Variants in HEATR1 observed in about 807,000 individuals in gnomAD.
The protein encoded by HEATR1 is HEAT repeat-containing protein 1.
A neutral mutation model predicts 248.2 loss-of-function variants in HEATR1; 77 were observed. The observed-to-expected ratio is 0.31, with a 90% CI of 0.26 to 0.37. HEATR1 has a LOEUF of 0.37. Among genes scored for constraint, HEATR1 ranks in the 10% least tolerant of loss-of-function variants. The probability of loss-of-function intolerance (pLI) is 1.00; values close to 1 mark genes in which losing one functional copy is unlikely to be tolerated. For missense variants in HEATR1, 2,420 were observed against 2,504.9 expected (o/e 0.97, Z 0.72); for synonymous variants, 897 against 923.1 (o/e 0.97, Z 0.51).
Position 236,585,233 on chromosome 1 carries a change from A to T in HEATR1, c.2050-17T>A. The T allele has an allele frequency of 1.3e-6, 2 of 1,593,326 alleles. No individual in the cohort carries two copies. Reference sequence around the variant, plus strand: ...ATCCTCCACCTTGAAAAATAAACACACTCTATTACCAGTTGCTCTTGATTT... The same window carrying T: ...ATCCTCCACCTTGAAAAATAAACACTCTCTATTACCAGTTGCTCTTGATTT... On this transcript the variant is annotated splice_polypyrimidine_tract_variant and intron_variant, in intron 16 of 44. Transcript: ENST00000366582.
chr1:236,596,074 G>C (rs775939632), intron 6 of HEATR1, 30 bp from the exon 7 acceptor site: 14 of 1,461,670 alleles, frequency 9.6e-6, no homozygotes, highest in Middle Eastern at 2.0e-4. Context: ...AAGGAAAAAT[G>C]ATAAACCATA....
rs74145996 is a variant in HEATR1 at position 236,586,171 on chromosome 1, T to C, written c.1927+70A>G. On this transcript the variant is annotated intron_variant, in intron 15 of 44. Coordinates refer to ENST00000366582, the MANE Select transcript of HEATR1 (RefSeq NM_018072.6). ...GCATATAAGCATGACCAACAATAAATTTTAAATTTTCCTTGTTTTCTTTTG... is the reference window on the plus strand; with the variant it reads ...GCATATAAGCATGACCAACAATAAACTTTAAATTTTCCTTGTTTTCTTTTG... 2.6e-4 allele frequency: 360 copies of C among 1,370,424 alleles called. 1 individual carries two copies. In the African/African-American group the frequency reaches 4.9e-3, roughly 19 times the overall value. The allele number at this position is 1,370,424 out of a possible 1,614,324, so 84.9% of individuals were successfully genotyped here.
chr1:236,567,466 T>A (rs1663303897), intron 29 of HEATR1, among the ~76,000 whole-genome samples: 1 of 152,188 alleles, frequency 6.6e-6, no homozygotes, highest in Non-Finnish European at 1.5e-5. Flanking sequence ...ATCCCAACAC[T>A]TTGGGAGGCC....
rs747790372 is a variant in HEATR1, at chr1:236,555,428, C to T, written c.5791G>A (p.Asp1931Asn). 6 of 1,614,212 alleles carry T rather than the reference C, an allele frequency of 3.7e-6. No individual in the cohort carries two copies. Among genetic ancestry groups the T allele is most frequent in the Non-Finnish European group, 5.1e-6 (6 of 1,180,046 alleles). The part of the protein sequence containing the change: ...DWAKTEDAPK[D>N]RLLTFYNLAD... ...AAGTTGTAAAATGTCAACAACCTGT[C>T]CTTTGGGGCATCTTCTGTTTTAGCC... is the stretch of plus-strand genomic sequence containing the variant. Residue 1931 changes from aspartate (D) to asparagine (N), a missense_variant, in exon 41 of 45, where the codon GAC (aspartate) becomes AAC (asparagine). Coordinates refer to ENST00000366582, the MANE Select transcript of HEATR1 (RefSeq NM_018072.6).
chr1:236,603,417 T>C (rs1472736216), intron 2 of HEATR1, 41 bp from the exon 3 acceptor site: 2 of 1,534,368 alleles, frequency 1.3e-6, no homozygotes, highest in African/African-American at 2.7e-5. Flanking sequence ...CAATTCTTCG[T>C]AAGCAAATTC....
At chr1:236,592,171 A>G in intron 10 of HEATR1, 61 bp from the exon 11 acceptor site, 1 of 829,582 alleles carries the variant, frequency 1.2e-6, no homozygotes, top group African/African-American at 1.7e-5. Flanking sequence ...CTCATACACC[A>G]TACACATATA....
rs1662616082 is a variant in HEATR1 at position 236,549,527 on chromosome 1, T to G, written c.*1375A>C. The G allele has an allele frequency of 6.6e-6, 1 of 151,802 alleles. No homozygotes were observed. The highest frequency in any genetic ancestry group is 2.4e-5 in the African/African-American group (1 of 41,424). The allele number at this position is 151,802 out of a possible 1,614,324, so 9.4% of individuals were successfully genotyped here. ...TTGAAAAGAATACCATTGTCAATCT[T>G]ATTTTTTTAAAAGTACTCAGTGTAG... On this transcript the variant is annotated 3_prime_UTR_variant, in exon 45 of 45. Coordinates refer to ENST00000366582, the MANE Select transcript of HEATR1 (RefSeq NM_018072.6).
At position 236,549,609 on chromosome 1, in the gene HEATR1, A is replaced by G. The variant is rs765883812; in HGVS notation, c.*1293T>C. 2.0e-5 allele frequency: 3 copies of G among 152,142 alleles called. No individual in the cohort carries two copies. The highest frequency in any genetic ancestry group is 2.9e-5 in the Non-Finnish European group (2 of 68,014). 9.4% of individuals were successfully genotyped at this position (152,142 alleles called of 1,614,324 possible). ...TTCATATTAATGTATGCAGAGTCTC[A>G]CCAAGCTCAAAGACACTGGTTGGGG... On this transcript the variant is annotated 3_prime_UTR_variant, in exon 45 of 45. Coordinates refer to ENST00000366582, the MANE Select transcript of HEATR1 (RefSeq NM_018072.6).
chr1:236,550,730 A>G lies in HEATR1; in HGVS notation c.*172T>C. 1.8e-6 allele frequency: 1 copy of G among 555,190 alleles called. No individual in the cohort carries two copies. Among genetic ancestry groups the G allele is most frequent in the Non-Finnish European group, 3.2e-6 (1 of 316,756 alleles). 34.4% of individuals were successfully genotyped at this position (555,190 alleles called of 1,614,324 possible). ...TCTATACGATAGGCAGGAGAGGCTT[A>G]TGTGGCAGCACAAGCCAGGTGGGGA... is the stretch of plus-strand genomic sequence containing the variant. On this transcript the variant is annotated 3_prime_UTR_variant, in exon 45 of 45. Transcript: ENST00000366582.
rs1235190575 is a variant in HEATR1, at chr1:236,604,464, T to C, written c.-75A>G. ...GGTATATCTTGGAAGGCAACAACTC[T>C]TCACAGCGCTTCCCACATGGTACCA... On this transcript the variant is annotated 5_prime_UTR_variant, in exon 1 of 45. Transcript: ENST00000366582. 7 of 173,118 alleles carry C rather than the reference T, an allele frequency of 4.0e-5. No individual in the cohort carries two copies. Among genetic ancestry groups the C allele is most frequent in the Admixed American group, 6.4e-5 (1 of 15,744 alleles). 10.7% of individuals were successfully genotyped at this position (173,118 alleles called of 1,614,324 possible).
At chr1:236,604,253 C>G in intron 1 of HEATR1, 126 bp from the exon 2 acceptor site, 1 of 653,008 alleles carries the variant, frequency 1.5e-6, no homozygotes, top group South Asian at 3.0e-5. Context: ...ATTTGTGGAC[C>G]CCGGAGATGC....
intron 13 of HEATR1, 53 bp downstream of exon 13, chr1:236,587,895 G>A (rs74145997): frequency 0.02 from 25,460 of 1,265,600 alleles, 338 homozygotes; most frequent in Middle Eastern, 0.045. Flanking sequence ...CAAGTGAGAA[G>A]GGCAAGGAAA....
chr1:236,586,130 T>G, intron 15 of HEATR1, 111 bp downstream of exon 15: 1 of 1,207,438 alleles, frequency 8.3e-7, no homozygotes, highest in Non-Finnish European at 1.1e-6. Context: ...GGCAAAAATT[T>G]TAAAAGACCT....
chr1:236,592,661 C>T, intron 9 of HEATR1, 28 bp from the exon 10 acceptor site: 1 of 897,292 alleles, frequency 1.1e-6, no homozygotes, highest in Non-Finnish European at 1.8e-6. Flanking sequence ...GAAATATCAG[C>T]ATACATAAGA....
intron 32 of HEATR1, 68 bp from the exon 33 acceptor site, chr1:236,561,339 T>C: frequency 8.1e-7 from 1 of 1,233,384 alleles, no homozygotes; most frequent in Non-Finnish European, 1.2e-6. Flanking sequence ...TCAAGTCAGT[T>C]CAATGAAACT....
chr1:236,549,383 G>A lies in HEATR1; in HGVS notation c.*1519C>T, dbSNP rs918235755. The A allele has an allele frequency of 6.0e-6, 1 of 166,882 alleles. No individual in the cohort carries two copies. The highest frequency in any genetic ancestry group is 2.4e-5 in the African/African-American group (1 of 42,168). The allele number at this position is 166,882 out of a possible 1,614,324, so 10.3% of individuals were successfully genotyped here. A position where few individuals can be genotyped will look rare whatever the true frequency, so the allele number is the denominator to read the frequency against. On this transcript the variant is annotated 3_prime_UTR_variant, in exon 45 of 45. Coordinates refer to ENST00000366582, the MANE Select transcript of HEATR1 (RefSeq NM_018072.6). ...CAGGAAATTTCAAAGGTTTGGGAGT[G>A]GGGAGGGAAAAAAGCTCAGTCAGTG...
At chr1:236,602,007 T>C (rs1187427719) in intron 3 of HEATR1, among the ~76,000 whole-genome samples, 3 of 150,726 alleles carry the variant, frequency 2.0e-5, no homozygotes, top group African/African-American at 7.3e-5. Context: ...GGCGTAGTGG[T>C]ATGTGCCTGT....
intron 5 of HEATR1, 128 bp from the exon 6 acceptor site, chr1:236,597,104 G>A (rs1333293117): frequency 3.6e-5 from 21 of 591,408 alleles, no homozygotes; most frequent in South Asian, 2.4e-4. Context: ...TAGCCTGGGC[G>A]ACAAAGCAAG....
intron 11 of HEATR1, 58 bp from the exon 12 acceptor site, chr1:236,591,012 AAGAATAAAACCCAG>A: frequency 1.1e-6 from 1 of 883,740 alleles, no homozygotes; most frequent in Non-Finnish European, 1.6e-6. Flanking sequence ...GTCTATGATC[AAGAATAAAACCCAG>A]AGAAAACCAC....
Sources: allele counts gnomAD v4.1 joint callset (sites outside exome capture counted in the v4.1 genomes callset), GRCh38; gene constraint gnomAD v4.1.1; transcripts MANE v1.5; gene names NCBI Gene and HGNC (gene_info 2026-07-23, HGNC 2026-07-21).